The following TMPRSS11B variants were observed in gnomAD, a reference collection of about 807,000 sequenced individuals.
TMPRSS11B encodes the protein transmembrane protease serine 11B.
TMPRSS11B carries 53 observed loss-of-function variants against 44.7 expected under a neutral mutation model. The observed-to-expected ratio is 1.19, with a 90% CI of 0.95 to 1.49. The LOEUF (loss-of-function observed/expected upper bound fraction) is 1.49, where lower values mean the gene tolerates loss of function less well. TMPRSS11B is among the 40% of genes most tolerant of loss of function. The probability of loss-of-function intolerance (pLI) is 0.00; values close to 1 mark genes in which losing one functional copy is unlikely to be tolerated. For missense variants in TMPRSS11B, 526 were observed against 494.8 expected (o/e 1.06, Z -0.60); for synonymous variants, 140 against 159.2 (o/e 0.88, Z 0.91).
chr4:68,242,661 A>T (rs1271309600), intron 1 of TMPRSS11B, among the ~76,000 whole-genome samples: 1 of 150,228 alleles, frequency 6.7e-6, no homozygotes, highest in Non-Finnish European at 1.5e-5. Flanking sequence ...CCTCTGCCCC[A>T]CTGGGCTCAA....
chr4:68,244,482 C>A (rs544842490), intron 1 of TMPRSS11B, among the ~76,000 whole-genome samples: 1 of 152,120 alleles, frequency 6.6e-6, no homozygotes, highest in Non-Finnish European at 1.5e-5. Context: ...AAAAATCAGC[C>A]GGGTGTGGTG....
chr4:68,229,651 C>T, intron 7 of TMPRSS11B, 135 bp from the exon 8 acceptor site: 4 of 740,672 alleles, frequency 5.4e-6, no homozygotes, highest in South Asian at 2.3e-5. Context: ...ATTTTGAAAA[C>T]TATCTTTGAC....
Position 68,236,133 on chromosome 4 carries a change from T to C in TMPRSS11B, c.240+18A>G, listed in dbSNP as rs889708004. 1.9e-6 allele frequency: 3 copies of C among 1,571,928 alleles called. No individual in the cohort carries two copies. The Admixed American group carries it at 5.5e-5, about 29-fold the overall frequency. On this transcript the variant is annotated intron_variant, in intron 3 of 9. Transcript: ENST00000332644. ...ATCAAATTTATAATAAAATTAATTT[T>C]AAAAATCTCTGATTTACCTTAGTCT...
At chr4:68,234,719 C>T in intron 4 of TMPRSS11B, 96 bp from the exon 5 acceptor site, 1 of 1,317,862 alleles carries the variant, frequency 7.6e-7, no homozygotes. Context: ...ATCACATTTT[C>T]TTTACATATA....
intron 2 of TMPRSS11B, among the ~76,000 whole-genome samples, chr4:68,238,515 G>T (rs1238138895): frequency 1.3e-5 from 2 of 151,764 alleles, no homozygotes; most frequent in Non-Finnish European, 2.9e-5. Context: ...TTGAGGTCAG[G>T]GGTTCAAGAC....
intron 1 of TMPRSS11B, among the ~76,000 whole-genome samples, chr4:68,242,318 T>TATATA (rs1412760765): frequency 4.4e-4 from 32 of 72,374 alleles, no homozygotes; most frequent in African/African-American, 2.1e-3. Flanking sequence ...TATAATATTA[T>TATATA]ATATATAATA....
chr4:68,242,323 A>G (rs190147401), intron 1 of TMPRSS11B, among the ~76,000 whole-genome samples: 1,018 of 8,436 alleles, frequency 0.12, 27 homozygotes, highest in South Asian at 0.31. Context: ...TATTATATAT[A>G]TAATATTATA....
At chr4:68,230,803 C>CA (rs34025669) in intron 7 of TMPRSS11B, among the ~76,000 whole-genome samples, 57,003 of 128,570 alleles carry the variant, frequency 0.44, 11,739 homozygotes, top group South Asian at 0.64. Context: ...GACTCCATCT[C>CA]AAAAAAAAAA....
chr4:68,232,489 A>T (rs1719544906), intron 5 of TMPRSS11B, 73 bp from the exon 6 acceptor site: 1 of 1,389,816 alleles, frequency 7.2e-7, no homozygotes, highest in Non-Finnish European at 1.0e-6. Flanking sequence ...ACCTAAGAAC[A>T]TAAATGCTAA....
intron 2 of TMPRSS11B, among the ~76,000 whole-genome samples, chr4:68,240,897 C>A (rs903930157): frequency 6.6e-6 from 1 of 151,990 alleles, no homozygotes; most frequent in South Asian, 2.1e-4. Flanking sequence ...TCAGAAAAAT[C>A]ATGATAAAAT....
rs1719654444 is a variant in TMPRSS11B, at chr4:68,236,037, ATATATAC to A, written c.266_272del (p.Ser89IlefsTer25). The A allele has an allele frequency of 6.3e-7, 1 of 1,592,150 alleles. No individual in the cohort carries two copies. Among genetic ancestry groups the A allele is most frequent in the South Asian group, 1.2e-5 (1 of 85,162 alleles). ...TGACCTCAGATTTGACATATTCCTT[ATATATAC>A]TGGAATTTTGAAATGCATTTAACAT... On this transcript the variant is annotated frameshift_variant, in exon 4 of 10. Coordinates refer to ENST00000332644, the MANE Select transcript of TMPRSS11B (RefSeq NM_182502.3). LOFTEE classifies it high-confidence loss of function.
At chr4:68,240,882 A>G (rs947195313) in intron 2 of TMPRSS11B, among the ~76,000 whole-genome samples, 2 of 152,186 alleles carry the variant, frequency 1.3e-5, no homozygotes, top group Non-Finnish European at 2.9e-5. Context: ...TCAGAGATAT[A>G]AAACTCAGAA....
At chr4:68,243,729 T>A (rs1719929073) in intron 1 of TMPRSS11B, among the ~76,000 whole-genome samples, 1 of 152,202 alleles carries the variant, frequency 6.6e-6, no homozygotes, top group South Asian at 2.1e-4. Context: ...TAGCCAGTTA[T>A]AACAGTCTGG....
Position 68,227,945 on chromosome 4 carries a change from T to A in TMPRSS11B, c.1217A>T (p.Tyr406Phe). ...KPGVYTRVTS[Y>F]RNWITSKTGL ...AGTCTTGGATGTAATCCAATTGCGA[T>A]AAGAAGTCACTCGAGTATAGACACC... The change falls in exon 10 of 10, where the codon TAT becomes TTT. Residue 406 changes from tyrosine (Y) to phenylalanine (F), a missense_variant. Coordinates refer to ENST00000332644, the MANE Select transcript of TMPRSS11B (RefSeq NM_182502.3). The A allele has an allele frequency of 6.2e-7, 1 of 1,612,954 alleles. No individual in the cohort carries two copies. Among genetic ancestry groups the A allele is most frequent in the Non-Finnish European group, 8.5e-7 (1 of 1,179,640 alleles).
Position 68,228,871 on chromosome 4 carries a change from C to T in TMPRSS11B, c.960G>A (p.Val320=). 2 of 1,612,558 alleles carry T rather than the reference C, an allele frequency of 1.2e-6. No homozygotes were observed. Among genetic ancestry groups the T allele is most frequent in the Non-Finnish European group, 1.7e-6 (2 of 1,179,504 alleles). ...TCTTCAAAAAGTCTTCTTGAAGTAT[C>T]ACTGGAAATGAACCTAAAAGCAATA... ...GTLYMNGSFP[V]ILQEDFLKII... is the part of the protein sequence containing the mutation. Residue 320 remains valine, a synonymous_variant, in exon 9 of 10, where the codon GTG becomes GTA. Transcript: ENST00000332644.
At chr4:68,232,559 C>A in intron 5 of TMPRSS11B, 143 bp from the exon 6 acceptor site, 1 of 652,938 alleles carries the variant, frequency 1.5e-6, no homozygotes, top group East Asian at 2.8e-5. Context: ...GTATTTTCAG[C>A]CCCTCTGACT....
chr4:68,235,957 T>C, intron 4 of TMPRSS11B, 45 bp downstream of exon 4: 1 of 1,184,492 alleles, frequency 8.4e-7, no homozygotes, highest in Non-Finnish European at 1.2e-6. Flanking sequence ...GTATGATATA[T>C]CACCTACTTT....
intron 5 of TMPRSS11B, 123 bp downstream of exon 5, chr4:68,234,340 G>C: frequency 1.1e-6 from 1 of 928,148 alleles, no homozygotes; most frequent in Non-Finnish European, 1.6e-6. Context: ...AGGGGTGCCA[G>C]AGTTAGGTAC....
intron 9 of TMPRSS11B, among the ~76,000 whole-genome samples, chr4:68,228,488 G>A (rs1188053707): frequency 3.9e-5 from 6 of 152,158 alleles, no homozygotes; most frequent in African/African-American, 1.2e-4. Context: ...AATTCATCTT[G>A]TAAACTTCTT....
Sources: gnomAD v4.1 joint callset for allele counts (sites outside exome capture counted in the v4.1 genomes callset) on GRCh38, gnomAD v4.1.1 for gene constraint, MANE v1.5 for transcripts, NCBI Gene and HGNC (gene_info 2026-07-23, HGNC 2026-07-21) for gene names.